EYS: variants seen among roughly 807,000 people sequenced by gnomAD.
The protein encoded by EYS is EGF-like photoreceptor maintenance factor.
Under a neutral mutation model 282.1 loss-of-function variants are expected in EYS, and 250 were observed. The observed-to-expected ratio is 0.89, with a 90% CI of 0.80 to 0.98. The LOEUF (loss-of-function observed/expected upper bound fraction) is 0.98. Among genes scored for constraint, EYS ranks in the 50% least tolerant of loss-of-function variants. EYS has a pLI of 0.00. For synonymous variants in EYS, 1,355 were observed against 1,282.9 expected, an observed-to-expected ratio of 1.06 and a Z score of -1.20; for missense variants, 4,016 against 3,709.0, an observed-to-expected ratio of 1.08 and a Z score of -2.15.
rs368146911 is a variant in EYS at position 65,340,268 on chromosome 6, T to C, written c.1599+3770A>G. ...TCATAACATTTTTGTAGCATGGTTG[T>C]AGAAAATAAGATAAACTTATTTGTA... On this transcript the variant is annotated intron_variant, in intron 10 of 42. Coordinates refer to ENST00000503581, the MANE Select transcript of EYS (RefSeq NM_001142800.2). Among the ~76,000 whole-genome samples, 15 of 151,290 alleles carry C rather than the reference T, an allele frequency of 9.9e-5. No individual in the cohort carries two copies. In the East Asian group the frequency reaches 2.9e-3, roughly 30 times the overall value.
At chr6:64,719,070 C>A (rs960341882) in intron 22 of EYS, among the ~76,000 whole-genome samples, 1 of 152,270 alleles carries the variant, frequency 6.6e-6, no homozygotes, top group East Asian at 1.9e-4. Flanking sequence ...ATTTGAAATT[C>A]TTGACAAGCC....
At chr6:64,013,430 A>C (rs1048078459) in intron 33 of EYS, among the ~76,000 whole-genome samples, 4 of 152,192 alleles carry the variant, frequency 2.6e-5, no homozygotes, top group Non-Finnish European at 5.9e-5. Flanking sequence ...ATTTGCATCC[A>C]GAAAGCTTCC....
chr6:63,813,005 G>T (rs765998899), intron 36 of EYS, among the ~76,000 whole-genome samples: 1 of 152,014 alleles, frequency 6.6e-6, no homozygotes, highest in Admixed American at 6.6e-5. Context: ...TTGAGGCAGG[G>T]TCTCATTCTG....
intron 5 of EYS, among the ~76,000 whole-genome samples, chr6:65,431,667 T>C (rs771273146): frequency 6.6e-6 from 1 of 152,108 alleles, no homozygotes; most frequent in Non-Finnish European, 1.5e-5. Context: ...ATATTCATGA[T>C]CACCGGCTGT....
At chr6:63,909,028 A>G (rs1347619591) in intron 35 of EYS, among the ~76,000 whole-genome samples, 2 of 152,104 alleles carry the variant, frequency 1.3e-5, no homozygotes, top group Non-Finnish European at 2.9e-5. Flanking sequence ...GGCTGTGCTT[A>G]TAATGTTAAA....
intron 35 of EYS, among the ~76,000 whole-genome samples, chr6:63,912,803 T>TA (rs1369708015): frequency 2.2e-5 from 3 of 135,056 alleles, no homozygotes; most frequent in African/African-American, 8.3e-5. Flanking sequence ...GACTTGCTCC[T>TA]ACTCCCCCTT....
At chr6:64,126,100 T>G (rs1027968372) in intron 31 of EYS, among the ~76,000 whole-genome samples, 16 of 152,032 alleles carry the variant, frequency 1.1e-4, no homozygotes, top group Non-Finnish European at 2.1e-4. Context: ...AAACTAGTTG[T>G]TGGTGGGACT....
At chr6:63,948,224 G>C (rs2149762808) in intron 35 of EYS, among the ~76,000 whole-genome samples, 1 of 152,276 alleles carries the variant, frequency 6.6e-6, no homozygotes, top group Middle Eastern at 3.4e-3. Flanking sequence ...CTTGCGATCT[G>C]TCCTTTCTTT....
intron 26 of EYS, among the ~76,000 whole-genome samples, chr6:64,536,168 T>C (rs993059552): frequency 6.6e-6 from 1 of 152,112 alleles, no homozygotes; most frequent in Non-Finnish European, 1.5e-5. Context: ...CATATCTTTT[T>C]GATAAAAAAA....
At chr6:64,992,302 T>G (rs1355994705) in intron 14 of EYS, among the ~76,000 whole-genome samples, 2 of 151,898 alleles carry the variant, frequency 1.3e-5, no homozygotes, top group Non-Finnish European at 2.9e-5. Flanking sequence ...ATGATTCTAA[T>G]AAATTGGCTA....
At chr6:63,898,337 A>G (rs114475035) in intron 35 of EYS, among the ~76,000 whole-genome samples, 1,727 of 152,000 alleles carry the variant, frequency 0.011, 37 homozygotes, top group African/African-American at 0.04. Context: ...AAATACAAAA[A>G]AAATTTAGCT....
At chr6:65,560,155 T>G (rs1415310570) in intron 2 of EYS, among the ~76,000 whole-genome samples, 1 of 147,816 alleles carries the variant, frequency 6.8e-6, no homozygotes, top group East Asian at 2.0e-4. Context: ...TCATTCATAC[T>G]AAGCTATGTC....
At chr6:63,846,105 T>C (rs1458795541) in intron 36 of EYS, among the ~76,000 whole-genome samples, 2 of 152,154 alleles carry the variant, frequency 1.3e-5, no homozygotes, top group South Asian at 2.1e-4. Context: ...ACCTCTGAAA[T>C]ATGTACTTCC....
At chr6:65,161,239 C>A (rs1301474784) in intron 12 of EYS, among the ~76,000 whole-genome samples, 4 of 150,968 alleles carry the variant, frequency 2.6e-5, no homozygotes, top group Non-Finnish European at 4.5e-5. Context: ...GTTTCCTGAT[C>A]CATTTTTCTG....
At chr6:65,452,327 GA>G (rs1764435107) in intron 5 of EYS, among the ~76,000 whole-genome samples, 1 of 142,848 alleles carries the variant, frequency 7.0e-6, no homozygotes, top group South Asian at 2.2e-4. Flanking sequence ...AACATGGAAA[GA>G]TTTTTTTTTT....
intron 29 of EYS, among the ~76,000 whole-genome samples, chr6:64,307,912 A>G (rs1256222733): frequency 6.6e-6 from 1 of 152,072 alleles, no homozygotes; most frequent in Non-Finnish European, 1.5e-5. Context: ...TTATTCATCA[A>G]AAGTTACTCA....
intron 33 of EYS, among the ~76,000 whole-genome samples, chr6:64,064,951 G>A (rs935315180): frequency 6.6e-6 from 1 of 152,116 alleles, no homozygotes; most frequent in African/African-American, 2.4e-5. Context: ...TGTTTTGTCT[G>A]TATAGAACTC....
At chr6:64,252,312 T>C (rs553933459) in intron 30 of EYS, among the ~76,000 whole-genome samples, 1 of 152,224 alleles carries the variant, frequency 6.6e-6, no homozygotes, top group Non-Finnish European at 1.5e-5. Flanking sequence ...TAATCCTTTT[T>C]CCTCTTTCTA....
chr6:64,822,947 G>T, intron 19 of EYS, 125 bp from the exon 20 acceptor site: 5 of 689,472 alleles, frequency 7.3e-6, no homozygotes, highest in Non-Finnish European at 1.2e-5. Context: ...CTTGGTATTT[G>T]GTAGCAAAAG....
Sources: gnomAD v4.1 joint callset for allele counts (sites outside exome capture counted in the v4.1 genomes callset) on GRCh38, gnomAD v4.1.1 for gene constraint, MANE v1.5 for transcripts, NCBI Gene and HGNC (gene_info 2026-07-23, HGNC 2026-07-21) for gene names.